The following DGKB variants were observed in gnomAD, a reference collection of about 807,000 sequenced individuals.
DGKB encodes 90 kDa diacylglycerol kinase.
In DGKB, 67 loss-of-function variants were observed where a neutral mutation model predicts 114.3. The observed-to-expected ratio is 0.59, with a 90% CI of 0.48 to 0.72. DGKB has a LOEUF of 0.72. Ranked by LOEUF, DGKB falls within the 30% of genes least tolerant of loss-of-function variation. DGKB has a pLI of 0.00. For synonymous variants in DGKB, 398 were observed against 323.1 expected (o/e 1.23, Z -2.49); for missense variants, 907 against 975.2 (o/e 0.93, Z 0.93).
intron 23 of DGKB, among the ~76,000 whole-genome samples, chr7:14,329,072 T>C (rs376907708): frequency 6.6e-6 from 1 of 151,962 alleles, no homozygotes; most frequent in African/African-American, 2.4e-5. Flanking sequence ...GGAGCTACTA[T>C]TCACATGATA....
chr7:14,159,053 T>G (rs1783466780), intron 25 of DGKB, among the ~76,000 whole-genome samples: 1 of 152,146 alleles, frequency 6.6e-6, no homozygotes, highest in South Asian at 2.1e-4. Flanking sequence ...CTTGTCACCG[T>G]GCACATCTAC....
intron 20 of DGKB, among the ~76,000 whole-genome samples, chr7:14,528,504 T>C (rs1368068793): frequency 1.3e-5 from 2 of 152,048 alleles, no homozygotes; most frequent in Non-Finnish European, 1.5e-5. Flanking sequence ...TTATAAGATA[T>C]AAAAATTGCA....
chr7:14,914,444 C>G (rs36848), intron 1 of DGKB, among the ~76,000 whole-genome samples: 85,211 of 151,942 alleles, frequency 0.56, 26,495 homozygotes, highest in East Asian at 0.92. Flanking sequence ...AATAACAAAA[C>G]GAAAGAAAAT....
chr7:14,154,695 AC>A (rs939182793), intron 25 of DGKB, among the ~76,000 whole-genome samples: 4 of 151,796 alleles, frequency 2.6e-5, no homozygotes, highest in African/African-American at 7.3e-5. Context: ...TAAAAAAAAA[AC>A]AAACAAACAA....
At chr7:14,457,958 C>CTCA (rs990231879) in intron 21 of DGKB, among the ~76,000 whole-genome samples, 1 of 152,214 alleles carries the variant, frequency 6.6e-6, no homozygotes, top group Admixed American at 6.5e-5. Context: ...TAGGGAAGGA[C>CTCA]TCATCCAGTG....
At chr7:14,357,988 T>A (rs962547728) in intron 21 of DGKB, among the ~76,000 whole-genome samples, 3 of 152,202 alleles carry the variant, frequency 2.0e-5, no homozygotes, top group East Asian at 1.9e-4. Context: ...CTTCCCTTTG[T>A]GGGTAACCCG....
At chr7:14,827,433 A>C (rs1023360699) in intron 2 of DGKB, among the ~76,000 whole-genome samples, 2 of 152,044 alleles carry the variant, frequency 1.3e-5, no homozygotes, top group African/African-American at 2.4e-5. Flanking sequence ...AGAGAGAGAG[A>C]GAGACAGACA....
intron 12 of DGKB, among the ~76,000 whole-genome samples, chr7:14,682,300 T>C (rs1392472916): frequency 6.6e-6 from 1 of 152,058 alleles, no homozygotes; most frequent in African/African-American, 2.4e-5. Flanking sequence ...TAACACTCCA[T>C]GGAACACAGT....
chr7:14,590,592 C>G (rs1463405427), intron 17 of DGKB, among the ~76,000 whole-genome samples: 1 of 152,008 alleles, frequency 6.6e-6, no homozygotes, highest in Non-Finnish European at 1.5e-5. Context: ...AAAATTTGAC[C>G]TCTCTTTATC....
intron 20 of DGKB, among the ~76,000 whole-genome samples, chr7:14,528,437 G>A (rs964056650): frequency 1.3e-5 from 2 of 151,990 alleles, no homozygotes; most frequent in African/African-American, 2.4e-5. Context: ...TAAGAACAGG[G>A]TGACTATGTA....
At position 14,204,851 on chromosome 7, in the gene DGKB, G is replaced by T. The variant is rs73679679; in HGVS notation, c.2123-26700C>A. 2.0e-5 allele frequency among the ~76,000 whole-genome samples: 3 copies of T among 151,884 alleles called. No individual in the cohort carries two copies. In the East Asian group the frequency reaches 5.9e-4, roughly 30 times the overall value. On this transcript the variant is annotated intron_variant, in intron 23 of 25. Coordinates refer to ENST00000402815, the MANE Select transcript of DGKB (RefSeq NM_001350709.2). Reference sequence around the variant, plus strand: ...AAGAAATGTATTACTATAAATTGTTGGTAGTTATTTTCTAGCAATTCTTTG... The same window carrying T: ...AAGAAATGTATTACTATAAATTGTTTGTAGTTATTTTCTAGCAATTCTTTG...
intron 20 of DGKB, among the ~76,000 whole-genome samples, chr7:14,538,501 T>C (rs1163831602): frequency 1.3e-5 from 2 of 152,146 alleles, no homozygotes; most frequent in Non-Finnish European, 2.9e-5. Flanking sequence ...TTGGTAAAGT[T>C]ATGGAGAAAT....
At chr7:14,170,169 GAA>G (rs1393313636) in intron 25 of DGKB, among the ~76,000 whole-genome samples, 1 of 135,868 alleles carries the variant, frequency 7.4e-6, no homozygotes, top group African/African-American at 3.1e-5. Flanking sequence ...AAGAAAGAAA[GAA>G]AGAAAGAAAG....
At chr7:14,568,534 T>C (rs1797924715) in intron 20 of DGKB, among the ~76,000 whole-genome samples, 2 of 152,282 alleles carry the variant, frequency 1.3e-5, no homozygotes, top group Admixed American at 6.5e-5. Flanking sequence ...AGTTGTTGAA[T>C]AGAGAAGGTT....
chr7:14,767,652 T>C (rs1163467691), intron 2 of DGKB, among the ~76,000 whole-genome samples: 1 of 151,988 alleles, frequency 6.6e-6, no homozygotes, highest in African/African-American at 2.4e-5. Context: ...TAAGATGTCT[T>C]AAAGTTATAT....
chr7:14,305,392 G>A (rs190230662), intron 23 of DGKB, among the ~76,000 whole-genome samples: 7 of 152,032 alleles, frequency 4.6e-5, no homozygotes, highest in South Asian at 4.1e-4. Flanking sequence ...ACGTCTTTCC[G>A]TGCCTTCTTG....
At chr7:14,750,506 T>C (rs193074814) in intron 4 of DGKB, among the ~76,000 whole-genome samples, 60 of 152,240 alleles carry the variant, frequency 3.9e-4, no homozygotes, top group African/African-American at 1.2e-3. Context: ...CCCGCCTCCA[T>C]CTCCATTCTG....
chr7:14,397,881 A>G (rs1012093944), intron 21 of DGKB, among the ~76,000 whole-genome samples: 1 of 152,094 alleles, frequency 6.6e-6, no homozygotes, highest in Non-Finnish European at 1.5e-5. Flanking sequence ...CGGGTGCTCA[A>G]CAATTCGGCT....
At chr7:14,161,659 C>A (rs1350765322) in intron 25 of DGKB, among the ~76,000 whole-genome samples, 1 of 151,388 alleles carries the variant, frequency 6.6e-6, no homozygotes, top group Non-Finnish European at 1.5e-5. Context: ...CACACCAGGG[C>A]CTGTTGGGGG....
Sources: gnomAD v4.1 joint callset for allele counts (sites outside exome capture counted in the v4.1 genomes callset) on GRCh38, gnomAD v4.1.1 for gene constraint, MANE v1.5 for transcripts, NCBI Gene and HGNC (gene_info 2026-07-23, HGNC 2026-07-21) for gene names.